Variants in TMEM123 observed in about 807,000 individuals in gnomAD.
TMEM123 encodes the protein transmembrane protein 123.
A neutral mutation model predicts 19.7 loss-of-function variants in TMEM123; 16 were observed. The observed-to-expected ratio is 0.81, with a 90% CI of 0.55 to 1.23. TMEM123 has a LOEUF of 1.23. TMEM123 is among the 50% of genes most tolerant of loss of function. TMEM123 has a pLI of 0.00. For missense variants in TMEM123, 313 were observed against 257.8 expected, an observed-to-expected ratio of 1.21 and a Z score of -1.47; for synonymous variants, 118 against 99.4, an observed-to-expected ratio of 1.19 and a Z score of -1.12.
intron 4 of TMEM123, among the ~76,000 whole-genome samples, chr11:102,400,451 G>T (rs1951902040): frequency 6.6e-6 from 1 of 152,200 alleles, no homozygotes; most frequent in Admixed American, 6.5e-5. Context: ...CACACTTTTT[G>T]ATATAGGAAC....
chr11:102,429,586 G>A (rs940696626), intron 2 of TMEM123, among the ~76,000 whole-genome samples: 2 of 152,190 alleles, frequency 1.3e-5, no homozygotes, highest in African/African-American at 4.8e-5. Flanking sequence ...AAGCATGAAT[G>A]CCTGTGTGTG....
chr11:102,437,738 AAGAATCCACATTCTAAGTCGTC>A (rs1290459398), intron 2 of TMEM123, among the ~76,000 whole-genome samples: 1 of 152,202 alleles, frequency 6.6e-6, no homozygotes, highest in Non-Finnish European at 1.5e-5. Context: ...AGACATTAAC[AAGAATCCACATTCTAAGTCGTC>A]AGAATCCACA....
intron 2 of TMEM123, among the ~76,000 whole-genome samples, chr11:102,410,177 T>C (rs1414286722): frequency 6.6e-6 from 1 of 151,370 alleles, no homozygotes; most frequent in Non-Finnish European, 1.5e-5. Flanking sequence ...TTGTTTCCTC[T>C]GGCAATAAAT....
In TMEM123 at chr11:102,396,670, A is replaced by T. The variant is rs958410173; in HGVS notation, c.*2197T>A. 1 of 152,172 alleles carries T rather than the reference A, an allele frequency of 6.6e-6. No individual in the cohort carries two copies. Among genetic ancestry groups the T allele is most frequent in the African/African-American group, 2.4e-5 (1 of 41,452 alleles). The allele number at this position is 152,172 out of a possible 1,614,324, so 9.4% of individuals were successfully genotyped here. A position where few individuals can be genotyped will look rare whatever the true frequency, so the allele number is the denominator to read the frequency against. ...GGTCCAAAGCAAAATATTTTTTTGCATAACCATTTCCCTCAATTTTTATAG... is the reference window on the plus strand; with the variant it reads ...GGTCCAAAGCAAAATATTTTTTTGCTTAACCATTTCCCTCAATTTTTATAG... On this transcript the variant is annotated 3_prime_UTR_variant, in exon 5 of 5. Transcript: ENST00000398136.
intron 2 of TMEM123, among the ~76,000 whole-genome samples, chr11:102,438,358 T>C (rs1857787568): frequency 6.6e-6 from 1 of 152,198 alleles, no homozygotes; most frequent in African/African-American, 2.4e-5. Context: ...AGTTTATTTA[T>C]TTTTAATCAC....
intron 2 of TMEM123, among the ~76,000 whole-genome samples, chr11:102,422,574 T>C (rs1952096153): frequency 6.6e-6 from 1 of 152,240 alleles, no homozygotes; most frequent in Admixed American, 6.5e-5. Flanking sequence ...CCTCCTCAAC[T>C]GCATCCCTTT....
At chr11:102,420,972 A>G (rs1478696082) in intron 2 of TMEM123, among the ~76,000 whole-genome samples, 2 of 152,186 alleles carry the variant, frequency 1.3e-5, no homozygotes, top group African/African-American at 4.8e-5. Flanking sequence ...GCTTGAACTC[A>G]GGAGGCGGAG....
chr11:102,443,544 T>A (rs1857849040), intron 2 of TMEM123, among the ~76,000 whole-genome samples: 2 of 152,294 alleles, frequency 1.3e-5, no homozygotes, highest in Middle Eastern at 3.4e-3. Flanking sequence ...CAAAATTTCA[T>A]TCGAGATGGA....
In TMEM123 at chr11:102,437,642, T is replaced by C. The variant is rs17097764; in HGVS notation, c.157+11170A>G. Among the ~76,000 whole-genome samples, 1,319 of 152,154 alleles carry C rather than the reference T, an allele frequency of 8.7e-3. 67 individuals carry two copies. Among genetic ancestry groups the C allele is most frequent in the Admixed American group, 0.078 (1,191 of 15,268 alleles). ...AGAAAGCACCAGTGCAGTTCCAATT[T>C]ATTATTGTATCTGCTGTCTTGAGAG... On this transcript the variant is annotated intron_variant, in intron 2 of 4. Transcript: ENST00000398136.
At chr11:102,437,484 A>G (rs762209078) in intron 2 of TMEM123, among the ~76,000 whole-genome samples, 139 of 151,172 alleles carry the variant, frequency 9.2e-4, no homozygotes, top group Non-Finnish European at 1.5e-3. Context: ...AATTTTTTTT[A>G]CGTTTAAAAT....
At chr11:102,437,898 T>C (rs1313243862) in intron 2 of TMEM123, among the ~76,000 whole-genome samples, 2 of 152,154 alleles carry the variant, frequency 1.3e-5, no homozygotes, top group Non-Finnish European at 2.9e-5. Flanking sequence ...CTAGCATTTG[T>C]AGGGCTGGCT....
chr11:102,410,548 G>A (rs896361874), intron 2 of TMEM123, among the ~76,000 whole-genome samples: 1 of 149,892 alleles, frequency 6.7e-6, no homozygotes, highest in African/African-American at 2.5e-5. Context: ...AGCCACAAGA[G>A]CATCAGGCTA....
At chr11:102,452,407 C>T in intron 1 of TMEM123, 117 bp downstream of exon 1, 1 of 916,332 alleles carries the variant, frequency 1.1e-6, no homozygotes, top group Non-Finnish European at 1.5e-6. Context: ...GGGTCCGCCC[C>T]GAGCGTTCGG....
intron 2 of TMEM123, among the ~76,000 whole-genome samples, chr11:102,410,600 C>T (rs1425721362): frequency 6.6e-6 from 1 of 152,086 alleles, no homozygotes; most frequent in Non-Finnish European, 1.5e-5. Flanking sequence ...ACTCCCCAAG[C>T]CTCTCATCCT....
intron 2 of TMEM123, among the ~76,000 whole-genome samples, chr11:102,431,234 G>A (rs1210267062): frequency 5.9e-5 from 9 of 152,090 alleles, no homozygotes; most frequent in African/African-American, 9.7e-5. Flanking sequence ...ATGTGGAATC[G>A]CTAAATAAAT....
chr11:102,435,327 AC>A lies in TMEM123; in HGVS notation c.157+13484del, dbSNP rs1857751835. Among the ~76,000 whole-genome samples the A allele has an allele frequency of 5.9e-5, 9 of 152,166 alleles. No individual in the cohort carries two copies. The South Asian group carries it at 1.7e-3, about 28-fold the overall frequency. On this transcript the variant is annotated intron_variant, in intron 2 of 4. Coordinates refer to ENST00000398136, the MANE Select transcript of TMEM123 (RefSeq NM_052932.3). ...TTTCTTCACAGAAAATATACAAATG[AC>A]CAATAATCACATGAAAAAATGTTCA...
intron 2 of TMEM123, among the ~76,000 whole-genome samples, chr11:102,412,312 C>T (rs1413688530): frequency 6.6e-6 from 1 of 152,142 alleles, no homozygotes; most frequent in East Asian, 1.9e-4. Context: ...CCTGTAATCC[C>T]AGCTACTCAG....
intron 2 of TMEM123, among the ~76,000 whole-genome samples, chr11:102,417,253 T>G (rs1002085699): frequency 2.6e-5 from 4 of 152,268 alleles, no homozygotes; most frequent in Non-Finnish European, 5.9e-5. Flanking sequence ...AAAACCCCAG[T>G]CTCTGCCCAA....
chr11:102,449,840 T>C (rs78106104), intron 1 of TMEM123, among the ~76,000 whole-genome samples: 3,563 of 152,294 alleles, frequency 0.023, 159 homozygotes, highest in African/African-American at 0.081. Context: ...CTTAGGAGTA[T>C]TGTTTTGCAG....
Sources: allele counts gnomAD v4.1 joint callset (sites outside exome capture counted in the v4.1 genomes callset), GRCh38; gene constraint gnomAD v4.1.1; transcripts MANE v1.5; gene names NCBI Gene and HGNC (gene_info 2026-07-23, HGNC 2026-07-21).